Variants in DRC11 observed in about 807,000 individuals in gnomAD.
DRC11 encodes the protein dynein regulatory complex subunit 11.
chr2:236,446,925 T>C, the DRC11 span, among the ~76,000 whole-genome samples: 16 of 147,934 alleles, frequency 1.1e-4, no homozygotes, highest in East Asian at 1.2e-3. The surrounding 1 kb of genome is among the most constrained non-coding windows in gnomAD (Gnocchi z 6.2). Context: ...TGGGGTCTCT[T>C]GGGCCCTTGG....
chr2:236,441,327 T>C, the DRC11 span, among the ~76,000 whole-genome samples: 2 of 152,184 alleles, frequency 1.3e-5, no homozygotes, highest in South Asian at 4.1e-4. Context: ...TCTAGAGAAT[T>C]GTTAGTCTGA....
the DRC11 span, among the ~76,000 whole-genome samples, chr2:236,396,310 G>GGGC: frequency 8.5e-6 from 1 of 117,078 alleles, no homozygotes; most frequent in African/African-American, 3.2e-5. Context: ...GGCGGGGGGG[G>GGGC]GTTAATCTTA....
chr2:236,469,549 C>A, the DRC11 span, among the ~76,000 whole-genome samples: 1 of 152,178 alleles, frequency 6.6e-6, no homozygotes, highest in Admixed American at 6.5e-5. This position sits in a 1 kb window ranked among gnomAD's most constrained non-coding sequence, Gnocchi z 5.8. Context: ...CTTCCCGGCT[C>A]CTTTAGTGCT....
chr2:236,441,058 A>G, the DRC11 span: 1 of 1,555,092 alleles, frequency 6.4e-7, no homozygotes, highest in South Asian at 1.2e-5. Context: ...TGGTCTTGTC[A>G]GAAAAAATAA....
the DRC11 span, among the ~76,000 whole-genome samples, chr2:236,309,698 T>C: frequency 4.0e-4 from 61 of 152,322 alleles, no homozygotes; most frequent in African/African-American, 1.3e-3. This position sits in a 1 kb window ranked among gnomAD's most constrained non-coding sequence, Gnocchi z 5.7. Context: ...AGCATGTTCT[T>C]AACCTGGAAT....
chr2:236,423,716 G>A, the DRC11 span, among the ~76,000 whole-genome samples: 5 of 152,024 alleles, frequency 3.3e-5, no homozygotes, highest in Non-Finnish European at 5.9e-5. Flanking sequence ...TACCCAAAGG[G>A]TTATAAATCA....
the DRC11 span, among the ~76,000 whole-genome samples, chr2:236,459,565 A>ACG: frequency 5.6e-5 from 8 of 142,108 alleles, no homozygotes; most frequent in African/African-American, 1.5e-4. Flanking sequence ...GTATACGTAT[A>ACG]TATGTGTATA....
At chr2:236,323,030 T>G in the DRC11 span, among the ~76,000 whole-genome samples, 4 of 152,222 alleles carry the variant, frequency 2.6e-5, no homozygotes. The surrounding 1 kb of genome is among the most constrained non-coding windows in gnomAD (Gnocchi z 6.4). Flanking sequence ...CCTGCACAGG[T>G]TTTTATGAGT....
At chr2:236,394,266 G>T in the DRC11 span, among the ~76,000 whole-genome samples, 21 of 152,312 alleles carry the variant, frequency 1.4e-4, no homozygotes, top group African/African-American at 5.1e-4. The surrounding 1 kb of genome is among the most constrained non-coding windows in gnomAD (Gnocchi z 7.0). Flanking sequence ...GTCTTTAGTG[G>T]TCAGAGTCAG....
At chr2:236,458,937 C>T in the DRC11 span, among the ~76,000 whole-genome samples, 8 of 152,032 alleles carry the variant, frequency 5.3e-5, no homozygotes, top group South Asian at 2.1e-4. Flanking sequence ...CCTGGCTACT[C>T]GGGAGGCTGA....
At chr2:236,369,315 G>A in the DRC11 span, among the ~76,000 whole-genome samples, 2 of 152,208 alleles carry the variant, frequency 1.3e-5, no homozygotes, top group East Asian at 3.8e-4. This position sits in a 1 kb window ranked among gnomAD's most constrained non-coding sequence, Gnocchi z 4.5. Context: ...TTGTGGGGCA[G>A]GGGGCAGCCT....
the DRC11 span, among the ~76,000 whole-genome samples, chr2:236,487,264 C>T: frequency 6.9e-4 from 105 of 152,220 alleles, no homozygotes; most frequent in African/African-American, 2.5e-3. Flanking sequence ...AAGAAATGTA[C>T]AACTCAAGCT....
At chr2:236,328,134 ACT>A in the DRC11 span, among the ~76,000 whole-genome samples, 2 of 151,502 alleles carry the variant, frequency 1.3e-5, no homozygotes, top group African/African-American at 2.4e-5. This position sits in a 1 kb window ranked among gnomAD's most constrained non-coding sequence, Gnocchi z 6.7. Context: ...GCATTTGCTG[ACT>A]CTCCTTGGGG....
the DRC11 span, among the ~76,000 whole-genome samples, chr2:236,340,991 G>A: frequency 4.9e-3 from 750 of 152,246 alleles, 5 homozygotes; most frequent in Non-Finnish European, 6.9e-3. Flanking sequence ...CATCATGCCA[G>A]CAAACCACCC....
chr2:236,350,828 C>T, the DRC11 span, among the ~76,000 whole-genome samples: 2 of 152,196 alleles, frequency 1.3e-5, no homozygotes, highest in African/African-American at 4.8e-5. The surrounding 1 kb of genome is among the most constrained non-coding windows in gnomAD (Gnocchi z 5.2). Context: ...CTCTGGCTTT[C>T]CTGACCTTCC....
At chr2:236,441,213 G>A in the DRC11 span, 1 of 905,198 alleles carries the variant, frequency 1.1e-6, no homozygotes, top group Non-Finnish European at 1.8e-6. Context: ...ATTTAAATGA[G>A]TGATGGTCAT....
At chr2:236,459,512 C>CAT in the DRC11 span, among the ~76,000 whole-genome samples, 4 of 89,882 alleles carry the variant, frequency 4.5e-5, no homozygotes, top group Admixed American at 1.2e-4. Flanking sequence ...TATACGTATA[C>CAT]GTATACATGT....
the DRC11 span, among the ~76,000 whole-genome samples, chr2:236,409,708 C>T: frequency 6.6e-6 from 1 of 151,884 alleles, no homozygotes; most frequent in African/African-American, 2.4e-5. Flanking sequence ...GGAATGCTTC[C>T]AGTTTTTGCC....
the DRC11 span, among the ~76,000 whole-genome samples, chr2:236,472,892 G>C: frequency 2.6e-5 from 4 of 152,080 alleles, no homozygotes; most frequent in Admixed American, 6.6e-5. This position sits in a 1 kb window ranked among gnomAD's most constrained non-coding sequence, Gnocchi z 4.6. Context: ...TCCCATGCCT[G>C]GTTCTCCCTC....
Sources: gnomAD v4.1 joint callset for allele counts (sites outside exome capture counted in the v4.1 genomes callset) on GRCh38, gnomAD v4.1.1 for gene constraint, Gnocchi (gnomAD v3.1) non-coding constraint, MANE v1.5 for transcripts, NCBI Gene and HGNC (gene_info 2026-07-23, HGNC 2026-07-21) for gene names.